Variants in PLPPR5 observed in about 807,000 individuals in gnomAD.
PLPPR5 encodes phospholipid phosphatase-related protein type 5.
In PLPPR5, 16 loss-of-function variants were observed where a neutral mutation model predicts 33.9. That is an observed-to-expected ratio of 0.47 (90% CI 0.32 to 0.72). PLPPR5 has a LOEUF of 0.72. Among genes scored for constraint, PLPPR5 ranks in the 30% least tolerant of loss-of-function variants. The pLI, the probability that PLPPR5 is intolerant of heterozygous loss-of-function variation, is 0.03. For missense variants in PLPPR5, 301 were observed against 406.7 expected, an observed-to-expected ratio of 0.74 and a Z score of 2.23; for synonymous variants, 163 against 150.3, an observed-to-expected ratio of 1.08 and a Z score of -0.62.
intron 1 of PLPPR5, among the ~76,000 whole-genome samples, chr1:98,966,688 C>T (rs564085814): frequency 3.3e-5 from 5 of 152,162 alleles, no homozygotes; most frequent in African/African-American, 7.2e-5. Flanking sequence ...CTTTGAGTTG[C>T]GGATCTGAAC....
intron 3 of PLPPR5, among the ~76,000 whole-genome samples, chr1:98,933,021 G>C (rs1650039482): frequency 6.6e-6 from 1 of 152,090 alleles, no homozygotes; most frequent in Non-Finnish European, 1.5e-5. Flanking sequence ...CTCCAGTGTG[G>C]TCCGGGCTGC....
chr1:98,985,439 T>C (rs1652221984), intron 1 of PLPPR5, among the ~76,000 whole-genome samples: 1 of 152,070 alleles, frequency 6.6e-6, no homozygotes, highest in Admixed American at 6.6e-5. Context: ...AGTGATATTA[T>C]ACCATCATAA....
At chr1:99,002,769 G>C (rs1015821041) in intron 1 of PLPPR5, among the ~76,000 whole-genome samples, 18 of 151,882 alleles carry the variant, frequency 1.2e-4, no homozygotes, top group Non-Finnish European at 2.6e-4. Flanking sequence ...ACATAGAATG[G>C]GAATTAAAGG....
intron 1 of PLPPR5, among the ~76,000 whole-genome samples, chr1:98,995,614 T>G (rs1391076447): frequency 1.3e-5 from 2 of 151,916 alleles, no homozygotes; most frequent in Non-Finnish European, 2.9e-5. Context: ...AGTCCAGCCC[T>G]TGGTTTAAAA....
intron 1 of PLPPR5, among the ~76,000 whole-genome samples, chr1:98,977,772 C>T (rs76899039): frequency 0.021 from 3,183 of 151,736 alleles, 45 homozygotes; most frequent in African/African-American, 0.035. Context: ...TGGTAGAGAA[C>T]TAGCCTCTGA....
chr1:98,961,300 T>A (rs531311462), intron 1 of PLPPR5, among the ~76,000 whole-genome samples: 1 of 152,322 alleles, frequency 6.6e-6, no homozygotes, highest in South Asian at 2.1e-4. Context: ...TAAAGCTTGT[T>A]ATTAGATAAA....
intron 4 of PLPPR5, among the ~76,000 whole-genome samples, chr1:98,920,369 C>G (rs1293112685): frequency 6.8e-6 from 1 of 147,802 alleles, no homozygotes; most frequent in Non-Finnish European, 1.5e-5. Flanking sequence ...TTGGCTTTGC[C>G]TATACTATTT....
intron 5 of PLPPR5, among the ~76,000 whole-genome samples, chr1:98,914,311 A>C (rs1227641128): frequency 6.6e-6 from 1 of 152,136 alleles, no homozygotes; most frequent in African/African-American, 2.4e-5. Flanking sequence ...TTTGATACGG[A>C]GTCTCACTCT....
intron 4 of PLPPR5, among the ~76,000 whole-genome samples, chr1:98,917,135 C>T (rs767003184): frequency 1.6e-4 from 25 of 152,128 alleles, no homozygotes; most frequent in Non-Finnish European, 3.2e-4. Context: ...GGAAAGGCAA[C>T]ATGCCACCCC....
intron 1 of PLPPR5, among the ~76,000 whole-genome samples, chr1:98,965,515 A>G (rs1651414150): frequency 6.6e-6 from 1 of 152,080 alleles, no homozygotes; most frequent in African/African-American, 2.4e-5. Flanking sequence ...GTCTTTGGTA[A>G]TGAGTAAAAA....
intron 5 of PLPPR5, among the ~76,000 whole-genome samples, chr1:98,907,264 C>T (rs936553146): frequency 2.0e-4 from 30 of 147,062 alleles, no homozygotes; most frequent in Admixed American, 1.6e-3. Flanking sequence ...TGCAGTGCCA[C>T]GATCTTGGCT....
chr1:98,930,136 G>T (rs72730330), intron 3 of PLPPR5, among the ~76,000 whole-genome samples: 1 of 151,972 alleles, frequency 6.6e-6, no homozygotes, highest in Admixed American at 6.6e-5. Context: ...ACATTTGGGT[G>T]AATTGAAGGG....
chr1:98,954,281 A>G (rs1650921072), intron 2 of PLPPR5, among the ~76,000 whole-genome samples: 1 of 152,206 alleles, frequency 6.6e-6, no homozygotes, highest in Non-Finnish European at 1.5e-5. Flanking sequence ...GTACCAATGA[A>G]AGGAAATTCA....
At chr1:98,921,733 A>G in intron 4 of PLPPR5, 149 bp downstream of exon 4, 1 of 628,650 alleles carries the variant, frequency 1.6e-6, no homozygotes, top group Non-Finnish European at 2.6e-6. Flanking sequence ...GAAATGAATG[A>G]CTTAAATGAT....
chr1:98,908,370 A>T (rs567421199), intron 5 of PLPPR5, among the ~76,000 whole-genome samples: 3 of 152,328 alleles, frequency 2.0e-5, no homozygotes, highest in African/African-American at 7.2e-5. Context: ...AAAGATATTA[A>T]TTCCTACATT....
rs1557659198 is a variant in PLPPR5 at position 98,892,959 on chromosome 1, A to G, written c.*113T>C. 18 of 1,050,208 alleles carry G rather than the reference A, an allele frequency of 1.7e-5. No homozygotes were observed. The highest frequency in any genetic ancestry group is 2.5e-5 in the Non-Finnish European group (18 of 708,902). 65.1% of individuals were successfully genotyped at this position (1,050,208 alleles called of 1,614,324 possible). ...TTGACATTGATTTTAAAATTATAAA[A>G]ATTATTAAACAACTTTATAAACTTC... On this transcript the variant is annotated 3_prime_UTR_variant, in exon 6 of 6. Coordinates refer to ENST00000263177, the MANE Select transcript of PLPPR5 (RefSeq NM_001037317.2).
chr1:98,992,832 C>A (rs986403797), intron 1 of PLPPR5, among the ~76,000 whole-genome samples: 2 of 152,070 alleles, frequency 1.3e-5, no homozygotes, highest in African/African-American at 2.4e-5. Flanking sequence ...AAGAAAGATT[C>A]ATTGCAGATG....
At chr1:98,941,105 G>T (rs1384211664) in intron 3 of PLPPR5, among the ~76,000 whole-genome samples, 1 of 151,866 alleles carries the variant, frequency 6.6e-6, no homozygotes, top group Non-Finnish European at 1.5e-5. Flanking sequence ...GTGGAGGTGG[G>T]AATAGATGGG....
In PLPPR5 at chr1:98,914,818, C is replaced by G; in HGVS notation, c.901G>C (p.Glu301Gln). The G allele has an allele frequency of 1.2e-6, 2 of 1,613,168 alleles. No homozygotes were observed. The highest frequency in any genetic ancestry group is 1.7e-6 in the Non-Finnish European group (2 of 1,179,648). Residue 301 changes from glutamate (E) to glutamine (Q), a missense_variant, in exon 5 of 6, where the codon GAA becomes CAA. Transcript: ENST00000263177. ...GATGTTACCTTTTCCAAAGGACTTT[C>G]TACTCGAGGAATGCTGATCATTGGC... ...QMPMISIPRV[E>Q]SPLEKVTSVQ...
Sources: allele counts gnomAD v4.1 joint callset (sites outside exome capture counted in the v4.1 genomes callset), GRCh38; gene constraint gnomAD v4.1.1; transcripts MANE v1.5; gene names NCBI Gene and HGNC (gene_info 2026-07-23, HGNC 2026-07-21).